Variants in BMP8B observed in about 807,000 individuals in gnomAD.
BMP8B encodes bone morphogenetic protein 8b.
BMP8B carries 17 observed loss-of-function variants against 30.3 expected under a neutral mutation model. The ratio of observed to expected loss-of-function variants is 0.56; its 90% confidence interval spans 0.38 to 0.84. The LOEUF (loss-of-function observed/expected upper bound fraction) is 0.84. Among genes scored for constraint, BMP8B ranks in the 40% least tolerant of loss-of-function variants. The pLI, the probability that BMP8B is intolerant of heterozygous loss-of-function variation, is 0.00. For synonymous variants in BMP8B, 131 were observed against 214.7 expected (o/e 0.61, Z 3.41); for missense variants, 253 against 494.6 (o/e 0.51, Z 4.63).
At chr1:39,776,269 G>GTCTGGAAATA (rs1204872757) in intron 1 of BMP8B, among the ~76,000 whole-genome samples, 2 of 150,600 alleles carry the variant, frequency 1.3e-5, no homozygotes, top group Non-Finnish European at 2.9e-5. Flanking sequence ...TTCCCCAGGT[G>GTCTGGAAATA]TCCGGAAATA....
chr1:39,787,952 C>G (rs1354795711), intron 1 of BMP8B, among the ~76,000 whole-genome samples, 200 bp downstream of exon 1: 6 of 152,198 alleles, frequency 3.9e-5, no homozygotes, highest in Non-Finnish European at 7.4e-5. Flanking sequence ...CCCCCACACT[C>G]TGCTCCTGAC....
In BMP8B at chr1:39,763,196, C is replaced by T. The variant is rs1421768856; in HGVS notation, c.955G>A (p.Val319Ile). The T allele has an allele frequency of 1.7e-5, 27 of 1,611,910 alleles. No homozygotes were observed. The highest frequency in any genetic ancestry group is 2.0e-5 in the Non-Finnish European group (24 of 1,178,994). The change falls in exon 6 of 7, where the codon GTC becomes ATC. Residue 319 changes from valine to isoleucine, a missense_variant. By Grantham distance (29) the Val-to-Ile change is conservative (BLOSUM62 3). This residue lies in a region of BMP8B where 116 missense variants were observed against 142.3 expected (regional missense o/e 0.81). Coordinates refer to ENST00000372827, the MANE Select transcript of BMP8B (RefSeq NM_001720.5). ...GCCGAGTAGCCTTGGGGAGCGATGACCCAGTCCTGGGGGGCAAGGGAGAAG... is the reference window on the plus strand; with the variant it reads ...GCCGAGTAGCCTTGGGGAGCGATGATCCAGTCCTGGGGGGCAAGGGAGAAG... ...SFQDLGWLDWVIAPQGYSAYY... is the reference protein window; with the variant it reads ...SFQDLGWLDWIIAPQGYSAYY...
At chr1:39,762,393 G>A in intron 6 of BMP8B, 1 of 1,270,684 alleles carries the variant, frequency 7.9e-7, no homozygotes, top group Non-Finnish European at 1.1e-6. Flanking sequence ...GCAATACCAG[G>A]AACTGGGATT....
intron 4 of BMP8B, among the ~76,000 whole-genome samples, chr1:39,764,189 G>A (rs574526814): frequency 6.6e-6 from 1 of 152,390 alleles, no homozygotes; most frequent in South Asian, 2.1e-4. Context: ...GTCAAGGGCC[G>A]ACTCCCTGGG....
intron 1 of BMP8B, among the ~76,000 whole-genome samples, chr1:39,787,883 G>T (rs1330960284): frequency 6.6e-6 from 1 of 152,240 alleles, no homozygotes; most frequent in Admixed American, 6.5e-5. Context: ...GACATCACCT[G>T]ATTCTTACTC....
In BMP8B at chr1:39,758,680, G is replaced by A. The variant is rs1648546853; in HGVS notation, c.*1739C>T. 6.6e-6 allele frequency: 1 copy of A among 152,296 alleles called. No homozygotes were observed. Among genetic ancestry groups the A allele is most frequent in the Non-Finnish European group, 1.5e-5 (1 of 68,086 alleles). The allele number at this position is 152,296 out of a possible 1,614,324, so 9.4% of individuals were successfully genotyped here. ...GATCAAAAAGTGCAGATAGAAAATG[G>A]AGGCGCAGATAAGGAAGCCACCTAC... On this transcript the variant is annotated 3_prime_UTR_variant, in exon 7 of 7. Transcript: ENST00000372827.
In BMP8B at chr1:39,761,441, C is replaced by G. The variant is rs1400508854; in HGVS notation, c.1060-873G>C. On this transcript the variant is annotated intron_variant, in intron 6 of 6. Transcript: ENST00000372827. ...CCACCACCACCCCCACCCCCAATCCCAGCCTCCCCCAGCAGCCAGAGAGAG... is the reference window on the plus strand; with the variant it reads ...CCACCACCACCCCCACCCCCAATCCGAGCCTCCCCCAGCAGCCAGAGAGAG... 8 of 152,688 alleles carry G rather than the reference C, an allele frequency of 5.2e-5. No individual in the cohort carries two copies. In the Admixed American group the frequency reaches 5.2e-4, roughly 10 times the overall value. The allele number at this position is 152,688 out of a possible 1,614,324, so 9.5% of individuals were successfully genotyped here.
chr1:39,763,539 C>CAA (rs113575841), intron 5 of BMP8B, 173 bp downstream of exon 5: 104 of 934,376 alleles, frequency 1.1e-4, no homozygotes, highest in South Asian at 1.9e-4. Flanking sequence ...AAAAACTGAA[C>CAA]AAAAAAAAAA....
At position 39,760,333 on chromosome 1, in the gene BMP8B, G is replaced by C; in HGVS notation, c.*86C>G. 6.3e-7 allele frequency: 1 copy of C among 1,577,272 alleles called. No homozygotes were observed. The highest frequency in any genetic ancestry group is 8.6e-7 in the Non-Finnish European group (1 of 1,163,136). On this transcript the variant is annotated 3_prime_UTR_variant, in exon 7 of 7. Transcript: ENST00000372827. ...CCTCCCTGGCAATGCCCCGGCCTGG[G>C]GTCTGGCTGGGTTTGAGGGTTTCCT...
rs1649145356 is a variant in BMP8B, at chr1:39,762,596, G to C, written c.1059+496C>G. 1.0e-5 allele frequency: 16 copies of C among 1,550,130 alleles called. 1 individual carries two copies. The highest frequency in any genetic ancestry group is 3.3e-4 in the Middle Eastern group (2 of 6,010). ...GGCCAAGAGAGAAACTGGGGGAAAAGCCAAAAGGTTGAGAGCCACACCATC... is the reference window on the plus strand; with the variant it reads ...GGCCAAGAGAGAAACTGGGGGAAAACCCAAAAGGTTGAGAGCCACACCATC... On this transcript the variant is annotated intron_variant, in intron 6 of 6. Transcript: ENST00000372827.
At chr1:39,778,769 G>T (rs1466338676) in intron 1 of BMP8B, among the ~76,000 whole-genome samples, 1 of 152,226 alleles carries the variant, frequency 6.6e-6, no homozygotes, top group Non-Finnish European at 1.5e-5. Flanking sequence ...GAAATCCCGG[G>T]AAAGAATGAA....
intron 6 of BMP8B, among the ~76,000 whole-genome samples, chr1:39,760,982 T>TC (rs530293310): frequency 1.1e-4 from 17 of 152,070 alleles, no homozygotes; most frequent in East Asian, 3.9e-4. Flanking sequence ...AGGCTCTGCC[T>TC]CCCACACCCT....
intron 1 of BMP8B, among the ~76,000 whole-genome samples, chr1:39,786,246 T>C (rs1028074075): frequency 2.0e-5 from 3 of 152,234 alleles, no homozygotes; most frequent in Non-Finnish European, 4.4e-5. Context: ...AATCCATTTC[T>C]AGGTTTTACA....
rs2124527584 is a variant in BMP8B at position 39,788,617 on chromosome 1, A to G, written c.-132T>C. The G allele has an allele frequency of 2.4e-6, 2 of 822,680 alleles. No individual in the cohort carries two copies. The highest frequency in any genetic ancestry group is 2.9e-6 in the Non-Finnish European group (2 of 683,480). 51.0% of individuals were successfully genotyped at this position (822,680 alleles called of 1,614,324 possible). A position where few individuals can be genotyped will look rare whatever the true frequency, so the allele number is the denominator to read the frequency against. On this transcript the variant is annotated 5_prime_UTR_variant, in exon 1 of 7. Coordinates refer to ENST00000372827, the MANE Select transcript of BMP8B (RefSeq NM_001720.5). The surrounding 1 kb of genome is among the most constrained non-coding windows in gnomAD (Gnocchi z 5.8). Reference sequence around the variant, plus strand: ...GCGGCGGGCGGCGGGGCGGGGCGGGACGGGCGGCGACCGCGGCCTCAGCGC... The same window carrying G: ...GCGGCGGGCGGCGGGGCGGGGCGGGGCGGGCGGCGACCGCGGCCTCAGCGC...
rs1411474231 is a variant in BMP8B, at chr1:39,759,170, A to C, written c.*1249T>G. The C allele has an allele frequency of 6.6e-6, 1 of 152,170 alleles. No individual in the cohort carries two copies. Among genetic ancestry groups the C allele is most frequent in the Non-Finnish European group, 1.5e-5 (1 of 68,078 alleles). The allele number at this position is 152,170 out of a possible 1,614,324, so 9.4% of individuals were successfully genotyped here. ...AAGGAGAACAGCAGTTTCCGAGAAC[A>C]GCAGAGGCTGAGACAAACCTCTCCA... On this transcript the variant is annotated 3_prime_UTR_variant, in exon 7 of 7. Transcript: ENST00000372827.
At chr1:39,776,024 C>T (rs1178781048) in intron 1 of BMP8B, among the ~76,000 whole-genome samples, 4 of 152,240 alleles carry the variant, frequency 2.6e-5, no homozygotes, top group East Asian at 1.9e-4. Context: ...AGCTCTGCTG[C>T]GGCCTGCCTG....
At chr1:39,771,448 G>C (rs948256005) in intron 3 of BMP8B, 2 of 648,878 alleles carry the variant, frequency 3.1e-6, no homozygotes, top group African/African-American at 4.0e-5. Flanking sequence ...TGGGCTGGGG[G>C]CCCCCGAGTC....
rs149524779 is a variant in BMP8B, at chr1:39,776,700, T to C, written c.335-1662A>G. Among the ~76,000 whole-genome samples, 249 of 152,372 alleles carry C rather than the reference T, an allele frequency of 1.6e-3. 2 individuals are homozygous for C. The highest frequency in any genetic ancestry group is 5.7e-3 in the African/African-American group (236 of 41,588). On this transcript the variant is annotated intron_variant, in intron 1 of 6. Transcript: ENST00000372827. ...CACCCAAGGGTGTCTTTTGAAGTCT[T>C]ACTTTTTGGTCAGAAATAATACTTT... is the stretch of plus-strand genomic sequence containing the variant.
chr1:39,778,859 G>A (rs1296685580), intron 1 of BMP8B, among the ~76,000 whole-genome samples: 1 of 152,220 alleles, frequency 6.6e-6, no homozygotes. Context: ...GGGAGGAGGG[G>A]GGCTGGGTGC....
Sources: allele counts gnomAD v4.1 joint callset (sites outside exome capture counted in the v4.1 genomes callset), GRCh38; gene constraint gnomAD v4.1.1; regional missense constraint gnomAD v4.1.1; non-coding constraint Gnocchi (gnomAD v3.1); transcripts MANE v1.5; gene names NCBI Gene and HGNC (gene_info 2026-07-23, HGNC 2026-07-21).